COL4A2: variants seen among roughly 807,000 people sequenced by gnomAD.
The protein encoded by COL4A2 is collagen type IV alpha 2 chain.
In COL4A2, 99 loss-of-function variants were observed where a neutral mutation model predicts 200.2. That is an observed-to-expected ratio of 0.49 (90% confidence interval 0.42 to 0.58). The LOEUF (loss-of-function observed/expected upper bound fraction) is 0.58. COL4A2 is among the 20% of genes least tolerant of loss of function. The probability of loss-of-function intolerance (pLI) is 0.00; values close to 1 mark genes in which losing one functional copy is unlikely to be tolerated. For synonymous variants in COL4A2, 897 were observed against 900.6 expected, an observed-to-expected ratio of 1.00 and a Z score of 0.07; for missense variants, 1,950 against 2,314.1, an observed-to-expected ratio of 0.84 and a Z score of 3.23.
At chr13:110,398,942 T>G (rs976811681) in intron 4 of COL4A2, among the ~76,000 whole-genome samples, 7 of 152,268 alleles carry the variant, frequency 4.6e-5, no homozygotes, top group African/African-American at 1.4e-4. Flanking sequence ...TTGGCTCACT[T>G]AGACCATTTT....
chr13:110,506,919 T>C (rs1386579049), intron 46 of COL4A2, among the ~76,000 whole-genome samples: 1 of 152,124 alleles, frequency 6.6e-6, no homozygotes, highest in East Asian at 1.9e-4. Context: ...CTTCACCTCC[T>C]TCTTGTTTTT....
chr13:110,393,584 G>A lies in COL4A2; in HGVS notation c.181-31150G>A, dbSNP rs1185095667. 2.6e-3 allele frequency among the ~76,000 whole-genome samples: 363 copies of A among 140,772 alleles called. 1 individual carries two copies. Among genetic ancestry groups the A allele is most frequent in the African/African-American group, 8.9e-3 (341 of 38,522 alleles). 92.4% of individuals were successfully genotyped at this position (140,772 alleles called of 152,430 possible). On this transcript the variant is annotated intron_variant, in intron 4 of 47. Transcript: ENST00000360467. ...TTAAGAGAATCCCACTATAAAGAGGGAAAAAAAAAAAAGGCCAGGCCCGGT... is the reference window on the plus strand; with the variant it reads ...TTAAGAGAATCCCACTATAAAGAGGAAAAAAAAAAAAAGGCCAGGCCCGGT...
chr13:110,415,192 T>C (rs970268137), intron 4 of COL4A2, among the ~76,000 whole-genome samples: 3 of 152,220 alleles, frequency 2.0e-5, no homozygotes, highest in Non-Finnish European at 4.4e-5. Flanking sequence ...CTCTTGCTGA[T>C]AGTGGTGGTT....
chr13:110,409,013 T>C (rs1483251352), intron 4 of COL4A2, among the ~76,000 whole-genome samples: 693 of 59,520 alleles, frequency 0.012, 85 homozygotes, highest in Non-Finnish European at 0.016. Flanking sequence ...CACACACACA[T>C]ACACATGGAC....
intron 4 of COL4A2, among the ~76,000 whole-genome samples, chr13:110,412,089 G>C (rs1566519064): frequency 6.6e-6 from 1 of 152,232 alleles, no homozygotes; most frequent in African/African-American, 2.4e-5. Context: ...TCTGCAATGG[G>C]CTGGGCCTAA....
At chr13:110,337,535 G>A (rs1232734118) in intron 3 of COL4A2, among the ~76,000 whole-genome samples, 2 of 152,378 alleles carry the variant, frequency 1.3e-5, no homozygotes, top group East Asian at 3.9e-4. Flanking sequence ...GAGGGCGGAT[G>A]TACTGGTGGC....
chr13:110,314,627 G>A (rs768870222), intron 3 of COL4A2, among the ~76,000 whole-genome samples: 1 of 152,332 alleles, frequency 6.6e-6, no homozygotes, highest in Middle Eastern at 3.4e-3. Flanking sequence ...GGGGAGGGAA[G>A]TGGCCGCTCC....
chr13:110,388,435 T>C (rs939410170), intron 4 of COL4A2, among the ~76,000 whole-genome samples: 1 of 152,188 alleles, frequency 6.6e-6, no homozygotes, highest in Non-Finnish European at 1.5e-5. Flanking sequence ...AAGATTTATT[T>C]TTACTCGTTG....
intron 3 of COL4A2, among the ~76,000 whole-genome samples, chr13:110,352,724 T>G (rs1274230005): frequency 1.3e-5 from 2 of 152,184 alleles, no homozygotes; most frequent in Non-Finnish European, 2.9e-5. Flanking sequence ...GTGGGGAGGT[T>G]CTGTGTGCCT....
At chr13:110,475,279 G>A (rs1198519248) in intron 29 of COL4A2, among the ~76,000 whole-genome samples, 3 of 152,214 alleles carry the variant, frequency 2.0e-5, no homozygotes, top group African/African-American at 2.4e-5. Context: ...CTGAGGACTC[G>A]GCGCTGAGAG....
chr13:110,412,849 C>G (rs895181750), intron 4 of COL4A2, among the ~76,000 whole-genome samples: 3 of 152,234 alleles, frequency 2.0e-5, no homozygotes, highest in African/African-American at 7.2e-5. Context: ...GCGCGGGCCT[C>G]ACTGGCCCAG....
At chr13:110,432,150 G>A (rs1334211966) in intron 10 of COL4A2, among the ~76,000 whole-genome samples, 175 bp from the exon 11 acceptor site, 1 of 152,170 alleles carries the variant, frequency 6.6e-6, no homozygotes. Context: ...GAGCTGACCC[G>A]AGTCCCTCTC....
intron 47 of COL4A2, among the ~76,000 whole-genome samples, chr13:110,509,266 T>TACAC (rs1380212410): frequency 6.3e-4 from 74 of 118,278 alleles, no homozygotes; most frequent in Middle Eastern, 3.6e-3. Context: ...TATATATATA[T>TACAC]ATATACACAC....
rs1179815843 is a variant in COL4A2, at chr13:110,436,310, C to T, written c.768C>T (p.Asp256=). 6.2e-7 allele frequency: 1 copy of T among 1,614,012 alleles called. No individual in the cohort carries two copies. The highest frequency in any genetic ancestry group is 8.5e-7 in the Non-Finnish European group (1 of 1,180,020). ...CGGGACCCAACGGGATTCCATCAGA[C>T]ACCCTCCACCCCATCATCGCGCCCA... is the stretch of plus-strand genomic sequence containing the variant. The part of the protein sequence containing the change: ...GQPGPNGIPS[D]TLHPIIAPTG... The change falls in exon 13 of 48, where the codon GAC becomes GAT. Residue 256 remains aspartate (D), a synonymous_variant. Coordinates refer to ENST00000360467, the MANE Select transcript of COL4A2 (RefSeq NM_001846.4).
chr13:110,503,521 C>G (rs1489611729), intron 43 of COL4A2, 40 bp downstream of exon 43: 1 of 1,240,244 alleles, frequency 8.1e-7, no homozygotes, highest in African/African-American at 1.5e-5. Context: ...AGTGGCTCAG[C>G]CCAGCCTCTC....
At chr13:110,308,163 A>G in intron 3 of COL4A2, 40 bp downstream of exon 3, 1 of 1,611,154 alleles carries the variant, frequency 6.2e-7, no homozygotes, top group Non-Finnish European at 8.5e-7. Context: ...CGCGCCCGAG[A>G]GTGGTTGGGA....
At chr13:110,354,327 C>T (rs1877096496) in intron 3 of COL4A2, among the ~76,000 whole-genome samples, 1 of 152,180 alleles carries the variant, frequency 6.6e-6, no homozygotes, top group Non-Finnish European at 1.5e-5. Context: ...CCCATCTAGT[C>T]TTGAGCTTTG....
intron 3 of COL4A2, among the ~76,000 whole-genome samples, chr13:110,314,071 A>T (rs1018440402): frequency 1.3e-5 from 2 of 152,168 alleles, no homozygotes; most frequent in African/African-American, 4.8e-5. Flanking sequence ...TAGTGGAAAA[A>T]CTGGTGAGAT....
chr13:110,491,613 G>A (rs530027157), intron 37 of COL4A2, among the ~76,000 whole-genome samples: 2 of 152,142 alleles, frequency 1.3e-5, no homozygotes, highest in Non-Finnish European at 2.9e-5. Flanking sequence ...AGAAGCCGAC[G>A]GTTTGTAAGG....
Sources: gnomAD v4.1 joint callset for allele counts (sites outside exome capture counted in the v4.1 genomes callset) on GRCh38, gnomAD v4.1.1 for gene constraint, MANE v1.5 for transcripts, NCBI Gene and HGNC (gene_info 2026-07-23, HGNC 2026-07-21) for gene names.